SIPA1L1: variants seen among roughly 807,000 people sequenced by gnomAD.
The protein encoded by SIPA1L1 is signal-induced proliferation-associated 1-like protein 1.
Under a neutral mutation model 162.7 loss-of-function variants are expected in SIPA1L1, and 26 were observed. That is an observed-to-expected ratio of 0.16 (90% CI 0.12 to 0.22). The LOEUF (loss-of-function observed/expected upper bound fraction) is 0.22, where lower values mean the gene tolerates loss of function less well. SIPA1L1 is among the 10% of genes least tolerant of loss of function. SIPA1L1 has a pLI of 1.00. For missense variants in SIPA1L1, 1,874 were observed against 2,241.0 expected (o/e 0.84, Z 3.31); for synonymous variants, 829 against 837.4 (o/e 0.99, Z 0.17).
chr14:71,389,224 G>C (rs1310585580), intron 2 of SIPA1L1, among the ~76,000 whole-genome samples: 7 of 152,206 alleles, frequency 4.6e-5, no homozygotes, highest in African/African-American at 1.4e-4. Flanking sequence ...GAGATGGGTA[G>C]GTAATTGTAA....
rs2081868963 is a variant in SIPA1L1, at chr14:71,698,920, G to A, written c.3375-61G>A. ...ACATTTATATGATATTATCCATCAT[G>A]CGTTGCCTTGGGATTTTCCCTTTGA... On this transcript the variant is annotated intron_variant, in intron 13 of 23. Coordinates refer to ENST00000381232, the MANE Select transcript of SIPA1L1 (RefSeq NM_001386936.1). 6.4e-5 allele frequency: 100 copies of A among 1,561,418 alleles called. 1 individual carries two copies. In the South Asian group the frequency reaches 1.1e-3, roughly 17 times the overall value.
intron 2 of SIPA1L1, among the ~76,000 whole-genome samples, chr14:71,503,504 T>C (rs995447977): frequency 6.6e-6 from 1 of 152,230 alleles, no homozygotes; most frequent in Non-Finnish European, 1.5e-5. Flanking sequence ...GTAAAACATT[T>C]AAAAATTTGT....
At chr14:71,649,373 G>T (rs147084225) in intron 7 of SIPA1L1, among the ~76,000 whole-genome samples, 7 of 151,760 alleles carry the variant, frequency 4.6e-5, no homozygotes, top group Non-Finnish European at 1.0e-4. Flanking sequence ...TGTACATTTT[G>T]TAGAGACAGG....
chr14:71,637,160 T>C (rs1481703127), intron 7 of SIPA1L1, among the ~76,000 whole-genome samples: 5 of 148,426 alleles, frequency 3.4e-5, no homozygotes, highest in Non-Finnish European at 5.9e-5. Context: ...ACACACACGC[T>C]AGATCTTTGA....
At chr14:71,564,721 C>A (rs2029986660) in intron 4 of SIPA1L1, among the ~76,000 whole-genome samples, 1 of 151,988 alleles carries the variant, frequency 6.6e-6, no homozygotes, top group South Asian at 2.1e-4. Context: ...GAACTCCTGA[C>A]CTTGTGATCC....
chr14:71,522,936 G>A (rs2052505096), intron 3 of SIPA1L1, among the ~76,000 whole-genome samples: 1 of 152,104 alleles, frequency 6.6e-6, no homozygotes. Flanking sequence ...GCCTCCCAAA[G>A]TGCTGCAATT....
At position 71,502,255 on chromosome 14, in the gene SIPA1L1, A is replaced by AATAT. The variant is rs60241101; in HGVS notation, c.-464-10467_-464-10464dup. Among the ~76,000 whole-genome samples the AATAT allele has an allele frequency of 4.2e-3, 408 of 97,534 alleles. 3 individuals carry two copies. The highest frequency in any genetic ancestry group is 0.015 in the East Asian group (52 of 3,358). The allele number at this position is 97,534 out of a possible 152,430, so 64.0% of individuals were successfully genotyped here. A position where few individuals can be genotyped will look rare whatever the true frequency, so the allele number is the denominator to read the frequency against. ...TTTGAGATACTTGAAAAAAAAAAAA[A>AATAT]ATATATATATATATATATATATATT... On this transcript the variant is annotated intron_variant, in intron 2 of 23. Coordinates refer to ENST00000381232, the MANE Select transcript of SIPA1L1 (RefSeq NM_001386936.1).
chr14:71,574,501 A>G (rs2032661216), intron 4 of SIPA1L1: 1 of 152,260 alleles, frequency 6.6e-6, no homozygotes, highest in South Asian at 2.1e-4. Flanking sequence ...GACATTGCAA[A>G]AACAGAGAGG....
intron 17 of SIPA1L1, among the ~76,000 whole-genome samples, chr14:71,712,930 A>G (rs908845931): frequency 6.6e-6 from 1 of 152,138 alleles, no homozygotes; most frequent in African/African-American, 2.4e-5. Flanking sequence ...ATGCGATCAC[A>G]TATACCTTTT....
intron 5 of SIPA1L1, among the ~76,000 whole-genome samples, chr14:71,589,879 A>C (rs145356437): frequency 6.6e-6 from 1 of 151,826 alleles, no homozygotes; most frequent in African/African-American, 2.4e-5. Flanking sequence ...AACAAATTAC[A>C]TTATTTGACA....
chr14:71,714,589 T>G (rs2083125353), intron 17 of SIPA1L1, among the ~76,000 whole-genome samples: 1 of 151,934 alleles, frequency 6.6e-6, no homozygotes, highest in South Asian at 2.1e-4. Context: ...TTCTCTCTTT[T>G]TTTTTTTAAA....
chr14:71,323,291 A>G (rs2033349385), intron 2 of SIPA1L1, among the ~76,000 whole-genome samples: 1 of 152,226 alleles, frequency 6.6e-6, no homozygotes, highest in South Asian at 2.1e-4. Flanking sequence ...CTTAAGTTGC[A>G]ATCTGAATTT....
chr14:71,515,654 T>C (rs955825406), intron 3 of SIPA1L1, among the ~76,000 whole-genome samples: 2 of 151,522 alleles, frequency 1.3e-5, no homozygotes, highest in African/African-American at 2.4e-5. Context: ...ATAATATTTC[T>C]TTTTTTTTGA....
In SIPA1L1 at chr14:71,563,309, G is replaced by GT. The variant is rs759381184; in HGVS notation, c.-302-24250dup. Among the ~76,000 whole-genome samples, 594 of 134,822 alleles carry GT rather than the reference G, an allele frequency of 4.4e-3. 1 individual carries two copies. Among genetic ancestry groups the GT allele is most frequent in the African/African-American group, 7.3e-3 (269 of 36,970 alleles). 88.4% of individuals were successfully genotyped at this position (134,822 alleles called of 152,430 possible). ...AACTTGACAATAATAGTACCTCCTC[G>GT]TTTTTTTTTTTTAACACGATTTTGT... On this transcript the variant is annotated intron_variant, in intron 4 of 23. Transcript: ENST00000381232.
intron 2 of SIPA1L1, among the ~76,000 whole-genome samples, chr14:71,409,408 G>T (rs1424065769): frequency 6.6e-6 from 1 of 152,096 alleles, no homozygotes; most frequent in Non-Finnish European, 1.5e-5. Flanking sequence ...TTCTGATACA[G>T]GATCACAGGT....
chr14:71,538,977 G>C (rs976204381), intron 4 of SIPA1L1, among the ~76,000 whole-genome samples: 1 of 152,150 alleles, frequency 6.6e-6, no homozygotes, highest in Admixed American at 6.5e-5. Flanking sequence ...TCAAATCTGG[G>C]AGAACACAGT....
intron 3 of SIPA1L1, among the ~76,000 whole-genome samples, chr14:71,522,775 C>A (rs2052486342): frequency 6.6e-6 from 1 of 151,556 alleles, no homozygotes; most frequent in Admixed American, 6.6e-5. Context: ...CTCACTGCAA[C>A]CTCTACCTCT....
chr14:71,589,348 T>C lies in SIPA1L1; in HGVS notation c.1476T>C (p.Tyr492=), dbSNP rs878970892. Residue 492 remains tyrosine (Y), a synonymous_variant, in exon 5 of 24, where the codon TAT becomes TAC. Coordinates refer to ENST00000381232, the MANE Select transcript of SIPA1L1 (RefSeq NM_001386936.1). ...ACGTAGATCTGGGTGCATACTATTA[T>C]AGAAAATTTTTCTACCAGAAGGGTA... The part of the protein sequence containing the change: ...VEHVDLGAYY[Y]RKFFYQKEHW... The C allele has an allele frequency of 3.7e-6, 6 of 1,606,390 alleles. No individual in the cohort carries two copies. Among genetic ancestry groups the C allele is most frequent in the Admixed American group, 3.3e-5 (2 of 59,804 alleles).
chr14:71,598,431 GT>G (rs1352135639), intron 5 of SIPA1L1: 1 of 158,470 alleles, frequency 6.3e-6, no homozygotes, highest in Non-Finnish European at 1.4e-5. Flanking sequence ...AATCAAGGTT[GT>G]TATGAACCTC....
Sources: allele counts gnomAD v4.1 joint callset (sites outside exome capture counted in the v4.1 genomes callset), GRCh38; gene constraint gnomAD v4.1.1; transcripts MANE v1.5; gene names NCBI Gene and HGNC (gene_info 2026-07-23, HGNC 2026-07-21).